Variants in PDE4A observed in about 807,000 individuals in gnomAD.
PDE4A encodes the protein phosphodiesterase 4A, also known as 3',5'-cyclic-AMP phosphodiesterase 4A.
In PDE4A, 21 loss-of-function variants were observed where a neutral mutation model predicts 73.9. The observed-to-expected ratio is 0.28, with a 90% CI of 0.20 to 0.41. The LOEUF is 0.41. PDE4A is among the 10% of genes least tolerant of loss of function. PDE4A has a pLI of 1.00. For synonymous variants in PDE4A, 463 were observed against 505.4 expected (o/e 0.92, Z 1.13); for missense variants, 958 against 1,211.4 (o/e 0.79, Z 3.10).
chr19:10,441,750 T>C (rs1164052868), intron 1 of PDE4A, among the ~76,000 whole-genome samples: 1 of 146,980 alleles, frequency 6.8e-6, no homozygotes, highest in Non-Finnish European at 1.5e-5. Flanking sequence ...AGTGCAGTAG[T>C]GTGATCTCGG....
rs2042639581 is a variant in PDE4A, at chr19:10,420,791, A to G, written c.27A>G (p.Glu9=). The part of the protein sequence containing the change: MEPPTVPS[E]RSLSLSLPGP... ...TGGAACCCCCGACCGTCCCCTCGGA[A>G]AGGAGCCTGTCTCTGTCACTGCCCG... Residue 9 remains glutamate, a synonymous_variant, in exon 1 of 15, where the codon GAA becomes GAG. Transcript: ENST00000380702. The surrounding 1 kb of genome is among the most constrained non-coding windows in gnomAD (Gnocchi z 6.0). 6.3e-7 allele frequency: 1 copy of G among 1,580,264 alleles called. No individual in the cohort carries two copies. Among genetic ancestry groups the G allele is most frequent in the Non-Finnish European group, 8.5e-7 (1 of 1,172,414 alleles).
chr19:10,430,436 T>C (rs1460599318), intron 1 of PDE4A, among the ~76,000 whole-genome samples: 1 of 151,622 alleles, frequency 6.6e-6, no homozygotes, highest in African/African-American at 2.4e-5. Flanking sequence ...CCTGGACTTC[T>C]TGTGTGGGGT....
At chr19:10,460,404 C>A (rs923544055) in intron 10 of PDE4A, among the ~76,000 whole-genome samples, 4 of 151,622 alleles carry the variant, frequency 2.6e-5, no homozygotes, top group African/African-American at 9.7e-5. Flanking sequence ...GAGGCTGAGG[C>A]AGGAGAATCG....
At chr19:10,462,931 C>T (rs911681932) in intron 13 of PDE4A, among the ~76,000 whole-genome samples, 20 of 152,154 alleles carry the variant, frequency 1.3e-4, no homozygotes, top group Non-Finnish European at 2.9e-5. Context: ...TGGTGGCTCA[C>T]GCCTATAATC....
At position 10,467,493 on chromosome 19, in the gene PDE4A, G is replaced by A. The variant is rs756853948; in HGVS notation, c.2533G>A (p.Glu845Lys). The change falls in exon 15 of 15, where the codon GAG becomes AAG. Residue 845 changes from glutamate to lysine, a missense_variant. This residue lies in a region of PDE4A where 243 missense variants were observed against 245.9 expected (regional missense o/e 0.99). Coordinates refer to ENST00000380702, the MANE Select transcript of PDE4A (RefSeq NM_001111307.2). ...GLPGLPSTAA[E>K]VEAQREHQAA... ...CCCGGGCCTCCCCTCCACGGCGGCC[G>A]AGGTGGAGGCCCAACGAGAGCACCA... 7 of 1,612,746 alleles carry A rather than the reference G, an allele frequency of 4.3e-6. No homozygotes were observed. Among genetic ancestry groups the A allele is most frequent in the African/African-American group, 2.7e-5 (2 of 74,930 alleles).
At chr19:10,442,313 C>T (rs2042949060) in intron 1 of PDE4A, among the ~76,000 whole-genome samples, 3 of 152,048 alleles carry the variant, frequency 2.0e-5, no homozygotes, top group Admixed American at 2.0e-4. Context: ...CACTTGAGGC[C>T]AGGTGTTTGA....
At chr19:10,437,233 C>T (rs2042877058) in intron 1 of PDE4A, among the ~76,000 whole-genome samples, 1 of 152,046 alleles carries the variant, frequency 6.6e-6, no homozygotes, top group Non-Finnish European at 1.5e-5. Context: ...AAGTGATTCT[C>T]CTGCCTCAGC....
rs1226891667 is a variant in PDE4A at position 10,468,184 on chromosome 19, C to G, written c.*563C>G. 6.5e-6 allele frequency: 1 copy of G among 152,842 alleles called. No homozygotes were observed. Among genetic ancestry groups the G allele is most frequent in the East Asian group, 1.9e-4 (1 of 5,282 alleles). 9.5% of individuals were successfully genotyped at this position (152,842 alleles called of 1,614,324 possible). A position where few individuals can be genotyped will look rare whatever the true frequency, so the allele number is the denominator to read the frequency against. Reference sequence around the variant, plus strand: ...TGGGGGGCAGTCACTGTGGGAGGTCCCAGCTCCAGCCCCCCTCTGGTTTGC... The same window carrying G: ...TGGGGGGCAGTCACTGTGGGAGGTCGCAGCTCCAGCCCCCCTCTGGTTTGC... On this transcript the variant is annotated 3_prime_UTR_variant, in exon 15 of 15. Coordinates refer to ENST00000380702, the MANE Select transcript of PDE4A (RefSeq NM_001111307.2).
chr19:10,426,479 T>C (rs916597632), intron 1 of PDE4A, among the ~76,000 whole-genome samples: 1 of 152,172 alleles, frequency 6.6e-6, no homozygotes, highest in African/African-American at 2.4e-5. Flanking sequence ...ATTCTTCGCC[T>C]TTCAGTGTGG....
chr19:10,459,207 A>C, intron 8 of PDE4A, 193 bp from the exon 9 acceptor site: 2 of 910,862 alleles, frequency 2.2e-6, no homozygotes, highest in East Asian at 5.4e-5. Flanking sequence ...CTCAAAAGAC[A>C]GTGGCTGTGA....
At chr19:10,451,568 G>A (rs2043092078) in intron 6 of PDE4A, among the ~76,000 whole-genome samples, 1 of 152,118 alleles carries the variant, frequency 6.6e-6, no homozygotes, top group South Asian at 2.1e-4. Flanking sequence ...GTTTGCACGG[G>A]TAATTATGCA....
At chr19:10,422,984 A>T in intron 1 of PDE4A, 1 of 387,058 alleles carries the variant, frequency 2.6e-6, no homozygotes, top group Non-Finnish European at 3.5e-6. Flanking sequence ...ACAGTGGCTG[A>T]GTGGTAATAA....
chr19:10,465,683 C>CTTTTTTTTGTTTTTTTT (rs2043355269), intron 14 of PDE4A, among the ~76,000 whole-genome samples: 1 of 48,380 alleles, frequency 2.1e-5, no homozygotes, highest in Non-Finnish European at 3.7e-5. Flanking sequence ...GTGGCTTTAG[C>CTTTTTTTTGTTTTTTTT]TTTTTTTTTT....
At chr19:10,430,875 C>A in intron 1 of PDE4A, 1 of 1,460,192 alleles carries the variant, frequency 6.8e-7, no homozygotes, top group Non-Finnish European at 9.0e-7. Context: ...AGGCCGCATC[C>A]CGGAGCTGCA....
At chr19:10,421,166 G>T in intron 1 of PDE4A, 82 bp downstream of exon 1, 2 of 1,339,096 alleles carry the variant, frequency 1.5e-6, no homozygotes, top group Non-Finnish European at 1.9e-6. Flanking sequence ...CGCAGGGGGC[G>T]CTAGGATGCG....
rs1205478506 is a variant in PDE4A at position 10,461,019 on chromosome 19, C to G, written c.1381C>G (p.Leu461Val). Residue 461 changes from leucine to valine, a missense_variant, in exon 11 of 15, where the codon CTG (leucine) becomes GTG (valine). Coordinates refer to ENST00000380702, the MANE Select transcript of PDE4A (RefSeq NM_001111307.2). ...CTGCTCCCAGGCAGTGTTCACGGAC[C>G]TGGAGATTCTCGCCGCCCTCTTCGC... ...TPALDAVFTDLEILAALFAAA... is the reference protein window; with the variant it reads ...TPALDAVFTDVEILAALFAAA... The G allele has an allele frequency of 6.2e-7, 1 of 1,613,440 alleles. No homozygotes were observed. Among genetic ancestry groups the G allele is most frequent in the Non-Finnish European group, 8.5e-7 (1 of 1,179,658 alleles).
Position 10,453,060 on chromosome 19 carries a change from C to A in PDE4A, c.784-1769C>A, listed in dbSNP as rs1257342484. The A allele has an allele frequency of 1.4e-5, 19 of 1,350,546 alleles. No individual in the cohort carries two copies. Among genetic ancestry groups the A allele is most frequent in the Non-Finnish European group, 1.8e-5 (19 of 1,053,828 alleles). 83.7% of individuals were successfully genotyped at this position (1,350,546 alleles called of 1,614,324 possible). A position where few individuals can be genotyped will look rare whatever the true frequency, so the allele number is the denominator to read the frequency against. The stretch of plus-strand genomic sequence containing the variant: ...CGGGGGGGCCCGTTGGGGCCCAGGG[C>A]TGGCGGGCCATGTAACCAGGGCTGC... On this transcript the variant is annotated intron_variant, in intron 6 of 14. Coordinates refer to ENST00000380702, the MANE Select transcript of PDE4A (RefSeq NM_001111307.2). The surrounding 1 kb of genome is among the most constrained non-coding windows in gnomAD (Gnocchi z 4.6).
intron 2 of PDE4A, among the ~76,000 whole-genome samples, chr19:10,447,514 C>T (rs1042812357): frequency 5.3e-5 from 8 of 151,982 alleles, no homozygotes; most frequent in Non-Finnish European, 8.8e-5. Context: ...TGTGAGCCAC[C>T]GCGCCCGGCC....
intron 14 of PDE4A, chr19:10,464,437 G>A (rs1036152663): frequency 2.2e-6 from 1 of 455,308 alleles, no homozygotes; most frequent in Non-Finnish European, 4.4e-6. Context: ...TTTATTTTGA[G>A]ACCGGGTCTT....
Sources: gnomAD v4.1 joint callset for allele counts (sites outside exome capture counted in the v4.1 genomes callset) on GRCh38, gnomAD v4.1.1 for gene constraint, gnomAD v4.1.1 regional missense constraint, Gnocchi (gnomAD v3.1) non-coding constraint, MANE v1.5 for transcripts, NCBI Gene and HGNC (gene_info 2026-07-23, HGNC 2026-07-21) for gene names.